PIP4K2B: variants seen among roughly 807,000 people sequenced by gnomAD.
PIP4K2B encodes the protein phosphatidylinositol-5-phosphate 4-kinase type 2 beta.
In PIP4K2B, 3 loss-of-function variants were observed where a neutral mutation model predicts 42.0. The observed-to-expected ratio is 0.07, with a 90% CI of 0.03 to 0.18. The LOEUF is 0.18. Ranked by LOEUF, PIP4K2B falls within the 10% of genes least tolerant of loss-of-function variation. The pLI, the probability that PIP4K2B is intolerant of heterozygous loss-of-function variation, is 1.00. For synonymous variants in PIP4K2B, 204 were observed against 210.1 expected (o/e 0.97, Z 0.25); for missense variants, 332 against 562.3 (o/e 0.59, Z 4.14).
At chr17:38,786,275 C>A (rs1047057740) in intron 2 of PIP4K2B, among the ~76,000 whole-genome samples, 1 of 152,168 alleles carries the variant, frequency 6.6e-6, no homozygotes, top group Admixed American at 6.5e-5. Flanking sequence ...GTGTGGCGGC[C>A]GCTAGTGTTT....
intron 1 of PIP4K2B, among the ~76,000 whole-genome samples, chr17:38,795,965 C>T (rs900335589): frequency 6.6e-6 from 1 of 151,932 alleles, no homozygotes; most frequent in Non-Finnish European, 1.5e-5. Context: ...ATGGTGAAAC[C>T]TTGTCTCTAC....
intron 1 of PIP4K2B, among the ~76,000 whole-genome samples, chr17:38,791,393 G>C (rs1014762241): frequency 5.5e-5 from 8 of 146,462 alleles, no homozygotes; most frequent in African/African-American, 2.0e-4. Context: ...TCCTAATCTG[G>C]CTCAGACTGC....
chr17:38,767,446 A>C lies in PIP4K2B; in HGVS notation c.*2245T>G, dbSNP rs1220888380. On this transcript the variant is annotated 3_prime_UTR_variant, in exon 10 of 10. Transcript: ENST00000619039. ...CTCAAAATGTTATGACCCAGTCAAC[A>C]ATACTGTCAGAAAAACAAAAAGCAT... The C allele has an allele frequency of 1.3e-5, 2 of 152,452 alleles. No homozygotes were observed. The highest frequency in any genetic ancestry group is 2.9e-5 in the Non-Finnish European group (2 of 68,034). The allele number at this position is 152,452 out of a possible 1,614,324, so 9.4% of individuals were successfully genotyped here.
chr17:38,774,734 T>C (rs1261995823), intron 7 of PIP4K2B, among the ~76,000 whole-genome samples: 2 of 151,518 alleles, frequency 1.3e-5, no homozygotes, highest in African/African-American at 2.4e-5. Flanking sequence ...CGCGCCACTG[T>C]ACTCCAGCCT....
rs1162499643 is a variant in PIP4K2B at position 38,766,651 on chromosome 17, C to G, written c.*3040G>C. ...CTTAAGAGACTGCCACTGAGAACAGCCACAGGGGCCACTCGTGGCGCCTGC... is the reference window on the plus strand; with the variant it reads ...CTTAAGAGACTGCCACTGAGAACAGGCACAGGGGCCACTCGTGGCGCCTGC... On this transcript the variant is annotated 3_prime_UTR_variant, in exon 10 of 10. Coordinates refer to ENST00000619039, the MANE Select transcript of PIP4K2B (RefSeq NM_003559.5). The G allele has an allele frequency of 6.5e-6, 1 of 152,712 alleles. No individual in the cohort carries two copies. The highest frequency in any genetic ancestry group is 2.4e-5 in the African/African-American group (1 of 41,454). The allele number at this position is 152,712 out of a possible 1,614,324, so 9.5% of individuals were successfully genotyped here. A position where few individuals can be genotyped will look rare whatever the true frequency, so the allele number is the denominator to read the frequency against.
intron 7 of PIP4K2B, among the ~76,000 whole-genome samples, chr17:38,776,828 C>A (rs957207835): frequency 2.6e-5 from 4 of 152,164 alleles, no homozygotes; most frequent in African/African-American, 9.7e-5. Context: ...CACCTGTCCT[C>A]CCCAGATTAC....
chr17:38,794,596 A>G (rs228236), intron 1 of PIP4K2B, among the ~76,000 whole-genome samples: 27,588 of 116,082 alleles, frequency 0.24, 4,231 homozygotes, highest in African/African-American at 0.39. Flanking sequence ...AATACAGAGA[A>G]ACCCCAATTC....
intron 1 of PIP4K2B, chr17:38,792,983 C>A (rs747763994): frequency 1.3e-5 from 2 of 152,238 alleles, no homozygotes; most frequent in African/African-American, 4.8e-5. Context: ...GGCTGGAGTG[C>A]AATGGCGCGA....
intron 1 of PIP4K2B, among the ~76,000 whole-genome samples, chr17:38,787,216 T>A (rs988287987): frequency 6.6e-6 from 1 of 152,130 alleles, no homozygotes; most frequent in Non-Finnish European, 1.5e-5. Flanking sequence ...TTTTGTATTG[T>A]GTAGAGACAA....
chr17:38,775,513 C>T (rs1464997607), intron 7 of PIP4K2B, among the ~76,000 whole-genome samples: 3 of 152,188 alleles, frequency 2.0e-5, no homozygotes, highest in Admixed American at 1.3e-4. Context: ...TCCTGAGCTG[C>T]TGGGATTACA....
At chr17:38,788,736 AG>A (rs970369287) in intron 1 of PIP4K2B, among the ~76,000 whole-genome samples, 3 of 152,036 alleles carry the variant, frequency 2.0e-5, no homozygotes, top group Non-Finnish European at 4.4e-5. Flanking sequence ...AGATCACCTG[AG>A]GTAAGGAGTT....
At chr17:38,798,563 G>A (rs1910770854) in intron 1 of PIP4K2B, among the ~76,000 whole-genome samples, 1 of 152,076 alleles carries the variant, frequency 6.6e-6, no homozygotes, top group East Asian at 1.9e-4. Context: ...AAAACTATGG[G>A]AAGACATATT....
intron 1 of PIP4K2B, among the ~76,000 whole-genome samples, chr17:38,792,107 A>G: frequency 6.6e-6 from 1 of 151,872 alleles, no homozygotes; most frequent in East Asian, 1.9e-4. Flanking sequence ...AAAAAAAAAA[A>G]GCAATGAGTT....
chr17:38,786,910 A>C lies in PIP4K2B; in HGVS notation c.170T>G (p.Leu57Arg). 6.2e-7 allele frequency: 1 copy of C among 1,612,098 alleles called. No homozygotes were observed. Among genetic ancestry groups the C allele is most frequent in the Non-Finnish European group, 8.5e-7 (1 of 1,178,092 alleles). Residue 57 changes from leucine (L) to arginine (R), a missense_variant, in exon 2 of 10, where the codon CTG (leucine) becomes CGG (arginine). By Grantham distance (102) the Leu-to-Arg change is moderately radical. Coordinates refer to ENST00000619039, the MANE Select transcript of PIP4K2B (RefSeq NM_003559.5). ...MWGVNHTINE[L>R]SNVPVPVMLM... is the part of the protein sequence containing the mutation. ...CATGACAGGAACAGGAACATTGCTC[A>C]GCTCATTGATCTGAAAAGCAAGGAG... is the stretch of plus-strand genomic sequence containing the variant.
intron 7 of PIP4K2B, among the ~76,000 whole-genome samples, chr17:38,774,378 T>G (rs2143338388): frequency 6.6e-6 from 1 of 152,316 alleles, no homozygotes; most frequent in Non-Finnish European, 1.5e-5. Context: ...CCTGATGGCC[T>G]GTAGAATAAA....
intron 1 of PIP4K2B, among the ~76,000 whole-genome samples, chr17:38,794,998 G>T (rs1463576734): frequency 1.3e-5 from 2 of 150,538 alleles, no homozygotes; most frequent in African/African-American, 2.4e-5. Flanking sequence ...TACTCAGGAG[G>T]CTGAGGCAGG....
At chr17:38,787,426 G>A (rs1910091868) in intron 1 of PIP4K2B, among the ~76,000 whole-genome samples, 1 of 152,182 alleles carries the variant, frequency 6.6e-6, no homozygotes, top group South Asian at 2.1e-4. Flanking sequence ...CCTCCTCCAT[G>A]AAGTTTTCCA....
chr17:38,771,286 GGAT>G lies in PIP4K2B; in HGVS notation c.808-17_808-15del. ...CTGTGCCAAGAACTAGGAAGGGCAA[GGAT>G]GGAAAGATGGAAGGAAGAAGAGGTT... is the stretch of plus-strand genomic sequence containing the variant. On this transcript the variant is annotated splice_polypyrimidine_tract_variant and intron_variant, in intron 7 of 9. Coordinates refer to ENST00000619039, the MANE Select transcript of PIP4K2B (RefSeq NM_003559.5). The G allele has an allele frequency of 6.2e-7, 1 of 1,613,912 alleles. No individual in the cohort carries two copies. The highest frequency in any genetic ancestry group is 8.5e-7 in the Non-Finnish European group (1 of 1,179,846).
chr17:38,771,351 A>C, intron 7 of PIP4K2B, 79 bp from the exon 8 acceptor site: 1 of 1,501,496 alleles, frequency 6.7e-7, no homozygotes, highest in Non-Finnish European at 9.2e-7. Context: ...AAAGGGGGGA[A>C]AGGCATTCCT....
Sources: gnomAD v4.1 joint callset for allele counts (sites outside exome capture counted in the v4.1 genomes callset) on GRCh38, gnomAD v4.1.1 for gene constraint, MANE v1.5 for transcripts, NCBI Gene and HGNC (gene_info 2026-07-23, HGNC 2026-07-21) for gene names.